The following FAT1 variants were observed in gnomAD, a reference collection of about 807,000 sequenced individuals.
The protein encoded by FAT1 is protocadherin Fat 1.
In FAT1, 171 loss-of-function variants were observed where a neutral mutation model predicts 329.8. The ratio of observed to expected loss-of-function variants is 0.52; its 90% CI spans 0.46 to 0.59. FAT1 has a LOEUF of 0.59. FAT1 is among the 20% of genes least tolerant of loss of function. The pLI, the probability that FAT1 is intolerant of heterozygous loss-of-function variation, is 0.00. For synonymous variants in FAT1, 2,233 were observed against 2,228.6 expected (o/e 1.00, Z -0.06); for missense variants, 5,672 against 5,774.4 (o/e 0.98, Z 0.57).
At chr4:186,612,991 C>A in intron 13 of FAT1, 118 bp downstream of exon 13, 2 of 642,384 alleles carry the variant, frequency 3.1e-6, no homozygotes, top group South Asian at 1.8e-5. Context: ...CAAGGAAGGG[C>A]TATGGAACAT....
At chr4:186,626,717 AGAATGAAT>A (rs769298722) in intron 9 of FAT1, among the ~76,000 whole-genome samples, 17 of 146,790 alleles carry the variant, frequency 1.2e-4, no homozygotes, top group Non-Finnish European at 2.5e-4. Flanking sequence ...ATCAGCCCAC[AGAATGAAT>A]GAATGAATGA....
rs774109559 is a variant in FAT1, at chr4:186,708,855, A to G, written c.973T>C (p.Trp325Arg). Residue 325 changes from tryptophan to arginine, a missense_variant, in exon 2 of 27, where the codon TGG becomes CGG. Coordinates refer to ENST00000441802, the MANE Select transcript of FAT1 (RefSeq NM_005245.4). Reference protein sequence around the residue: ...YKVKAIGGIDWDSHPFGYNLT... With the variant: ...YKVKAIGGIDRDSHPFGYNLT... ...TTGTAGCCGAAAGGATGACTGTCCC[A>G]ATCAATGCCACCGATGGCTTTGACT... 2 of 1,613,980 alleles carry G rather than the reference A, an allele frequency of 1.2e-6. No homozygotes were observed. The highest frequency in any genetic ancestry group is 3.3e-5 in the Admixed American group (2 of 60,026).
intron 16 of FAT1, among the ~76,000 whole-genome samples, chr4:186,607,961 T>C (rs1354753623): frequency 1.3e-5 from 2 of 152,206 alleles, no homozygotes; most frequent in Non-Finnish European, 1.5e-5. Context: ...AATCTCCAAA[T>C]ACTGGCTGAG....
chr4:186,683,756 T>C (rs1446454748), intron 2 of FAT1, among the ~76,000 whole-genome samples: 1 of 152,078 alleles, frequency 6.6e-6, no homozygotes, highest in Non-Finnish European at 1.5e-5. Flanking sequence ...CATGGACCCA[T>C]CAAGGATCAC....
intron 3 of FAT1, among the ~76,000 whole-genome samples, chr4:186,643,937 C>A (rs115041006): frequency 6.6e-6 from 1 of 152,228 alleles, no homozygotes; most frequent in African/African-American, 2.4e-5. Context: ...GACATCTGTG[C>A]TCATCTGCAA....
At chr4:186,636,942 A>C in intron 4 of FAT1, 28 bp from the exon 5 acceptor site, 1 of 1,535,348 alleles carries the variant, frequency 6.5e-7, no homozygotes, top group South Asian at 1.2e-5. Context: ...ACAGATTAAC[A>C]TGTTAAGATA....
In FAT1 at chr4:186,603,989, GAAAAAT is replaced by G; in HGVS notation, c.10549-18_10549-13del. On this transcript the variant is annotated splice_polypyrimidine_tract_variant and intron_variant, in intron 18 of 26. Coordinates refer to ENST00000441802, the MANE Select transcript of FAT1 (RefSeq NM_005245.4). Reference sequence around the variant, plus strand: ...CCATTATCTGCCACCTACAAGAAAAGAAAAATAAAATCACCTTTGTCTATGGCACTG... The same window carrying G: ...CCATTATCTGCCACCTACAAGAAAAGAAAATCACCTTTGTCTATGGCACTG... The G allele has an allele frequency of 6.3e-7, 1 of 1,593,778 alleles. No individual in the cohort carries two copies. The highest frequency in any genetic ancestry group is 2.2e-5 in the East Asian group (1 of 44,596).
chr4:186,685,615 G>A (rs1256751815), intron 2 of FAT1, among the ~76,000 whole-genome samples: 1 of 152,168 alleles, frequency 6.6e-6, no homozygotes, highest in Non-Finnish European at 1.5e-5. Context: ...CACTTAACCA[G>A]TGGTTATTTT....
chr4:186,718,453 G>A (rs1282622556), intron 1 of FAT1, among the ~76,000 whole-genome samples: 1 of 152,208 alleles, frequency 6.6e-6, no homozygotes, highest in South Asian at 2.1e-4. Context: ...CAGATCATGA[G>A]GTCAAGAGAT....
Position 186,603,386 on chromosome 4 carries a change from T to C in FAT1, c.11140A>G (p.Lys3714Glu), listed in dbSNP as rs2126427446. 1 of 1,614,052 alleles carries C rather than the reference T, an allele frequency of 6.2e-7. No homozygotes were observed. The highest frequency in any genetic ancestry group is 8.5e-7 in the Non-Finnish European group (1 of 1,179,908). Residue 3714 changes from lysine (K) to glutamate (E), a missense_variant, in exon 19 of 27, where the codon AAG becomes GAG. Physicochemically the swap from Lys to Glu is moderately conservative, Grantham distance 56 (BLOSUM62 1). Around this residue, in one of 2 missense-constraint regions of FAT1, gnomAD observed 1,706 missense variants for 1,859.1 expected, o/e 0.92. Transcript: ENST00000441802. ...AQISTKQLLH[K>E]INSSVTDIEE... ...ATGTCAGTCACGGAAGAGTTAATCTTGTGCAGAAGTTGTTTTGTTGAGATC... is the reference window on the plus strand; with the variant it reads ...ATGTCAGTCACGGAAGAGTTAATCTCGTGCAGAAGTTGTTTTGTTGAGATC...
At chr4:186,716,493 T>G (rs1745210359) in intron 1 of FAT1, among the ~76,000 whole-genome samples, 1 of 151,698 alleles carries the variant, frequency 6.6e-6, no homozygotes, top group Non-Finnish European at 1.5e-5. Flanking sequence ...AGTGGCACCA[T>G]CATAGCTCAC....
At chr4:186,697,939 C>T (rs962001582) in intron 2 of FAT1, among the ~76,000 whole-genome samples, 1 of 152,180 alleles carries the variant, frequency 6.6e-6, no homozygotes, top group East Asian at 1.9e-4. Flanking sequence ...AATCAAATCA[C>T]TGTCTCTCTG....
rs746194215 is a variant in FAT1 at position 186,708,100 on chromosome 4, C to T, written c.1728G>A (p.Gly576=). 4.3e-6 allele frequency: 7 copies of T among 1,613,792 alleles called. No homozygotes were observed. The highest frequency in any genetic ancestry group is 3.3e-5 in the Admixed American group (2 of 59,988). Residue 576 remains glycine (G), a synonymous_variant, in exon 2 of 27, where the codon GGG becomes GGA. Transcript: ENST00000441802. ...CCACGCCTAGATCTCTGGGAATTGT[C>T]CCTTCACAATTTATTTTCTCAAACA... The part of the protein sequence containing the change: ...TPLFEKINCE[G]TIPRDLGVGE...
At position 186,707,898 on chromosome 4, in the gene FAT1, T is replaced by G; in HGVS notation, c.1930A>C (p.Arg644=). ...LGAKVSFHSL[R]ITATDGENFA... ...TTTTCTCCATCTGTAGCTGTGATTC[T>G]CAGACTGTGGAAAGACACCTTTGCA... The change falls in exon 2 of 27, where the codon AGA becomes CGA. Residue 644 remains arginine, a synonymous_variant. Transcript: ENST00000441802. 6.2e-7 allele frequency: 1 copy of G among 1,613,984 alleles called. No homozygotes were observed. The highest frequency in any genetic ancestry group is 8.5e-7 in the Non-Finnish European group (1 of 1,179,910).
chr4:186,593,912 C>A (rs1738364901), intron 26 of FAT1, among the ~76,000 whole-genome samples: 1 of 152,150 alleles, frequency 6.6e-6, no homozygotes, highest in Admixed American at 6.5e-5. Context: ...GACGCAGGAA[C>A]AGACTCTCAG....
chr4:186,628,878 T>G, intron 7 of FAT1, 115 bp from the exon 8 acceptor site: 1 of 1,043,588 alleles, frequency 9.6e-7, no homozygotes, highest in Non-Finnish European at 1.4e-6. Flanking sequence ...CAAAATAAAA[T>G]ACGAGAAAGG....
intron 3 of FAT1, among the ~76,000 whole-genome samples, chr4:186,650,196 G>C (rs576025494): frequency 6.6e-6 from 1 of 152,306 alleles, no homozygotes; most frequent in African/African-American, 2.4e-5. Flanking sequence ...GCTCTGGAAT[G>C]GGACTTCCTT....
At chr4:186,657,239 T>G (rs1741946269) in intron 3 of FAT1, among the ~76,000 whole-genome samples, 1 of 152,220 alleles carries the variant, frequency 6.6e-6, no homozygotes, top group Non-Finnish European at 1.5e-5. Flanking sequence ...CAAATGCCTA[T>G]TACTAGGTGA....
At chr4:186,660,249 G>A (rs1579404470) in intron 3 of FAT1, among the ~76,000 whole-genome samples, 1 of 152,146 alleles carries the variant, frequency 6.6e-6, no homozygotes, top group African/African-American at 2.4e-5. Flanking sequence ...GGAACAGTCT[G>A]CTTTAAAGGT....
Sources: gnomAD v4.1 joint callset for allele counts (sites outside exome capture counted in the v4.1 genomes callset) on GRCh38, gnomAD v4.1.1 for gene constraint, gnomAD v4.1.1 regional missense constraint, MANE v1.5 for transcripts, NCBI Gene and HGNC (gene_info 2026-07-23, HGNC 2026-07-21) for gene names.